Variants in KIR2DL3 observed in about 807,000 individuals in gnomAD.
KIR2DL3 encodes killer cell immunoglobulin-like receptor 2DL3.
In KIR2DL3, 39 loss-of-function variants were observed where a neutral mutation model predicts 33.8. That is an observed-to-expected ratio of 1.15 (90% CI 0.89 to 1.51). KIR2DL3 has a LOEUF of 1.51. KIR2DL3 is among the 40% of genes most tolerant of loss of function. KIR2DL3 has a pLI of 0.00. For missense variants in KIR2DL3, 462 were observed against 426.2 expected (o/e 1.08, Z -0.74); for synonymous variants, 174 against 160.2 (o/e 1.09, Z -0.65).
intron 4 of KIR2DL3, among the ~76,000 whole-genome samples, chr19:54,745,679 A>T (rs1479341402): frequency 1.1e-4 from 16 of 151,630 alleles, no homozygotes; most frequent in African/African-American, 3.9e-4. Context: ...TTAGTTCTTT[A>T]AAGGACTTCC....
In KIR2DL3 at chr19:54,747,368, A is replaced by C; in HGVS notation, c.698A>C (p.Glu233Ala). 6.2e-7 allele frequency: 1 copy of C among 1,611,800 alleles called. No homozygotes were observed. Among genetic ancestry groups the C allele is most frequent in the East Asian group, 2.2e-5 (1 of 44,874 alleles). ...TCAAATAGTTGGCCTTCACCCACTGAACCAAGCTCCGAAACCGGTGAGTAC... is the reference window on the plus strand; with the variant it reads ...TCAAATAGTTGGCCTTCACCCACTGCACCAAGCTCCGAAACCGGTGAGTAC... ...NPSNSWPSPT[E>A]PSSETGNPRH... The change falls in exon 5 of 8, where the codon GAA (glutamate) becomes GCA (alanine). Residue 233 changes from glutamate (E) to alanine (A), a missense_variant. By Grantham distance (107) the Glu-to-Ala change is moderately radical. Coordinates refer to ENST00000342376, the MANE Select transcript of KIR2DL3 (RefSeq NM_015868.3).
At chr19:54,738,663 G>T in intron 1 of KIR2DL3, 84 bp downstream of exon 1, 1 of 1,593,596 alleles carries the variant, frequency 6.3e-7, no homozygotes, top group Non-Finnish European at 8.6e-7. Context: ...TGGAAGTGGA[G>T]TTATGGGCCT....
chr19:54,743,663 A>T, intron 3 of KIR2DL3, 132 bp from the exon 4 acceptor site: 2 of 982,228 alleles, frequency 2.0e-6, no homozygotes, highest in South Asian at 1.8e-5. Context: ...ATGAAGAGAG[A>T]TGGGGTGGAG....
At chr19:54,739,679 C>T (rs2070638429) in intron 2 of KIR2DL3, 137 bp downstream of exon 2, 1 of 1,432,362 alleles carries the variant, frequency 7.0e-7, no homozygotes, top group East Asian at 2.3e-5. Flanking sequence ...ACATTTCTGA[C>T]CTCGCCTCCC....
At chr19:54,747,907 A>T (rs2072810180) in intron 5 of KIR2DL3, among the ~76,000 whole-genome samples, 1 of 152,172 alleles carries the variant, frequency 6.6e-6, no homozygotes, top group South Asian at 2.1e-4. Flanking sequence ...CAGGCTGTGC[A>T]GTGCGGAACC....
At chr19:54,742,345 C>T (rs1159991457) in intron 3 of KIR2DL3, 66 bp downstream of exon 3, 5 of 1,591,990 alleles carry the variant, frequency 3.1e-6, no homozygotes, top group Admixed American at 3.4e-5. Flanking sequence ...ACTTGGAACC[C>T]CCAGGTAGTT....
chr19:54,744,530 ATT>A (rs199781218), intron 4 of KIR2DL3, among the ~76,000 whole-genome samples: 8,020 of 141,528 alleles, frequency 0.057, 263 homozygotes, highest in African/African-American at 0.1. Flanking sequence ...CACCTTTAAC[ATT>A]TTTTTTTTTT....
chr19:54,743,323 A>G (rs1456365394), intron 3 of KIR2DL3, among the ~76,000 whole-genome samples: 1 of 152,154 alleles, frequency 6.6e-6, no homozygotes, highest in African/African-American at 2.4e-5. Context: ...GAGAGATGAT[A>G]CATACATATA....
At chr19:54,739,914 CA>C (rs929641578) in intron 2 of KIR2DL3, among the ~76,000 whole-genome samples, 1 of 152,212 alleles carries the variant, frequency 6.6e-6, no homozygotes, top group Non-Finnish European at 1.5e-5. Context: ...CCTGACATTC[CA>C]AATCCTCTGA....
rs1325924685 is a variant in KIR2DL3 at position 54,741,973 on chromosome 19, T to C, written c.71-7T>C. On this transcript the variant is annotated splice_polypyrimidine_tract_variant and splice_region_variant and intron_variant, in intron 2 of 7. Transcript: ENST00000342376. ...ACACCTTCTAAACTCACAACCTCTC[T>C]TCCTAGGAGTCCACAGAAAACCTTC... 5.0e-6 allele frequency: 8 copies of C among 1,601,774 alleles called. No individual in the cohort carries two copies. The highest frequency in any genetic ancestry group is 6.8e-6 in the Non-Finnish European group (8 of 1,171,472).
intron 4 of KIR2DL3, among the ~76,000 whole-genome samples, chr19:54,745,828 T>C (rs1312868333): frequency 1.4e-4 from 21 of 147,166 alleles, no homozygotes; most frequent in African/African-American, 4.7e-4. Flanking sequence ...TCATTTTATT[T>C]TGAGATGGAG....
intron 4 of KIR2DL3, among the ~76,000 whole-genome samples, chr19:54,746,475 T>C (rs373596092): frequency 0.015 from 2,103 of 136,302 alleles, 16 homozygotes; most frequent in African/African-American, 0.037. Flanking sequence ...TTCAGACAAA[T>C]GTCCTGGAGC....
rs2072700354 is a variant in KIR2DL3 at position 54,747,373 on chromosome 19, A to G, written c.703A>G (p.Ser235Gly). ...TAGTTGGCCTTCACCCACTGAACCA[A>G]GCTCCGAAACCGGTGAGTACAGAAC... ...SNSWPSPTEPSSETGNPRHLH... is the reference protein window; with the variant it reads ...SNSWPSPTEPGSETGNPRHLH... Residue 235 changes from serine (S) to glycine (G), a missense_variant, in exon 5 of 8, where the codon AGC becomes GGC. By Grantham distance (56) the Ser-to-Gly change is moderately conservative. Coordinates refer to ENST00000342376, the MANE Select transcript of KIR2DL3 (RefSeq NM_015868.3). 6.2e-7 allele frequency: 1 copy of G among 1,611,372 alleles called. No homozygotes were observed. Among genetic ancestry groups the G allele is most frequent in the African/African-American group, 1.3e-5 (1 of 74,516 alleles).
chr19:54,741,744 G>A (rs1326209074), intron 2 of KIR2DL3, among the ~76,000 whole-genome samples: 1 of 151,124 alleles, frequency 6.6e-6, no homozygotes, highest in African/African-American at 2.4e-5. Context: ...CCCAAGAGAT[G>A]AGGCTCAGCC....
At position 54,752,694 on chromosome 19, in the gene KIR2DL3, C is replaced by T. The variant is rs4080172; in HGVS notation, c.*175C>T. 5,913 of 929,860 alleles carry T rather than the reference C, an allele frequency of 6.4e-3. 846 individuals carry two copies. The highest frequency in any genetic ancestry group is 0.029 in the African/African-American group (1,518 of 52,282). The allele number at this position is 929,860 out of a possible 1,614,324, so 57.6% of individuals were successfully genotyped here. A position where few individuals can be genotyped will look rare whatever the true frequency, so the allele number is the denominator to read the frequency against. Reference sequence around the variant, plus strand: ...CTCTTCCTCACACCACAAATCTGAACGTGCCTCTCCCTTGCTTACAAATGT... The same window carrying T: ...CTCTTCCTCACACCACAAATCTGAATGTGCCTCTCCCTTGCTTACAAATGT... On this transcript the variant is annotated 3_prime_UTR_variant, in exon 8 of 8. Transcript: ENST00000342376.
rs1314151241 is a variant in KIR2DL3 at position 54,743,794 on chromosome 19, G to A, written c.371-1G>A. The A allele has an allele frequency of 8.2e-6, 13 of 1,584,430 alleles. No individual in the cohort carries two copies. The highest frequency in any genetic ancestry group is 1.1e-5 in the Non-Finnish European group (13 of 1,166,034). ...TAAGGAAAATGCCTCTTCTCCTCCAGGTCTATATGAGAAACCTTCTCTCTC... is the reference window on the plus strand; with the variant it reads ...TAAGGAAAATGCCTCTTCTCCTCCAAGTCTATATGAGAAACCTTCTCTCTC... On this transcript the variant is annotated splice_acceptor_variant, in intron 3 of 7. Coordinates refer to ENST00000342376, the MANE Select transcript of KIR2DL3 (RefSeq NM_015868.3). LOFTEE classifies it high-confidence loss of function.
intron 2 of KIR2DL3, among the ~76,000 whole-genome samples, chr19:54,741,478 A>G (rs2071092009): frequency 6.6e-6 from 1 of 152,100 alleles, no homozygotes; most frequent in African/African-American, 2.4e-5. Flanking sequence ...CAGCACCAGG[A>G]GCCAGCCTAT....
rs371654293 is a variant in KIR2DL3 at position 54,739,521 on chromosome 19, C to A, written c.49C>A (p.Gln17Lys). 8.0e-4 allele frequency: 1,296 copies of A among 1,613,658 alleles called. No individual in the cohort carries two copies. The highest frequency in any genetic ancestry group is 1.1e-3 in the Non-Finnish European group (1,248 of 1,179,720). ...TTTCTTTCCAGGGTTCTTCTTGCTG[C>A]AGGGGGCCTGGCCACATGAGGGTGA... ...SMVCVGFFLL[Q>K]GAWPHEGVHR... is the part of the protein sequence containing the mutation. Residue 17 changes from glutamine to lysine, a missense_variant, in exon 2 of 8, where the codon CAG becomes AAG. Physicochemically the swap from Gln to Lys is moderately conservative, Grantham distance 53. Transcript: ENST00000342376.
At chr19:54,739,263 A>G (rs2070499940) in intron 1 of KIR2DL3, among the ~76,000 whole-genome samples, 1 of 149,904 alleles carries the variant, frequency 6.7e-6, no homozygotes, top group African/African-American at 2.5e-5. Context: ...TGGATTGGCG[A>G]TATGGGCCTA....
Sources: gnomAD v4.1 joint callset for allele counts (sites outside exome capture counted in the v4.1 genomes callset) on GRCh38, gnomAD v4.1.1 for gene constraint, MANE v1.5 for transcripts, NCBI Gene and HGNC (gene_info 2026-07-23, HGNC 2026-07-21) for gene names.